Variants in DAB1 observed in about 807,000 individuals in gnomAD.
DAB1 encodes the protein disabled homolog 1.
A neutral mutation model predicts 64.6 loss-of-function variants in DAB1; 15 were observed. The observed-to-expected ratio is 0.23, with a 90% CI of 0.16 to 0.36. The LOEUF (loss-of-function observed/expected upper bound fraction) is 0.36, where lower values mean the gene tolerates loss of function less well. Among genes scored for constraint, DAB1 ranks in the 10% least tolerant of loss-of-function variants. The probability of loss-of-function intolerance (pLI) is 1.00; values close to 1 mark genes in which losing one functional copy is unlikely to be tolerated. For missense variants in DAB1, 596 were observed against 706.7 expected, an observed-to-expected ratio of 0.84 and a Z score of 1.78; for synonymous variants, 235 against 251.9, an observed-to-expected ratio of 0.93 and a Z score of 0.64.
At chr1:57,036,856 A>G (rs1466574073) in intron 9 of DAB1, among the ~76,000 whole-genome samples, 1 of 152,250 alleles carries the variant, frequency 6.6e-6, no homozygotes, top group Non-Finnish European at 1.5e-5. Flanking sequence ...TTTTCAAAAC[A>G]GTGGGGACAC....
intron 3 of DAB1, among the ~76,000 whole-genome samples, chr1:58,407,516 C>G (rs1644627701): frequency 1.3e-5 from 2 of 152,160 alleles, no homozygotes; most frequent in African/African-American, 4.8e-5. Flanking sequence ...TTTCGGGTGT[C>G]ACACCTGGAA....
chr1:58,218,794 C>T (rs959554665), intron 4 of DAB1, among the ~76,000 whole-genome samples: 3 of 152,182 alleles, frequency 2.0e-5, no homozygotes, highest in Non-Finnish European at 2.9e-5. Context: ...TGGCATTTTA[C>T]TCACAGAGAG....
intron 5 of DAB1, among the ~76,000 whole-genome samples, chr1:57,994,757 CATA>C (rs1646399963): frequency 1.3e-5 from 2 of 152,154 alleles, no homozygotes; most frequent in South Asian, 4.1e-4. Flanking sequence ...AATAGATGAG[CATA>C]CACCTGGAGA....
At chr1:57,983,099 A>G (rs2764669) in intron 5 of DAB1, among the ~76,000 whole-genome samples, 129,334 of 152,070 alleles carry the variant, frequency 0.85, 55,766 homozygotes, top group South Asian at 0.94. Context: ...ACTCAATTAG[A>G]TCATTGGTCA....
At chr1:58,087,677 G>C (rs560709451) in intron 5 of DAB1, among the ~76,000 whole-genome samples, 2 of 152,142 alleles carry the variant, frequency 1.3e-5, no homozygotes, top group Non-Finnish European at 2.9e-5. Flanking sequence ...TAGGAAGTTT[G>C]CTCTCTTAGG....
At chr1:58,203,338 G>A (rs1437536493) in intron 4 of DAB1, among the ~76,000 whole-genome samples, 1 of 152,100 alleles carries the variant, frequency 6.6e-6, no homozygotes, top group Non-Finnish European at 1.5e-5. Flanking sequence ...GTCATCTCAG[G>A]ATGGGTTTGC....
chr1:57,482,929 T>A (rs995743494), intron 7 of DAB1, among the ~76,000 whole-genome samples: 1 of 152,232 alleles, frequency 6.6e-6, no homozygotes, highest in Non-Finnish European at 1.5e-5. Flanking sequence ...GAGCCTACCA[T>A]ACTTGTGTAA....
At chr1:57,093,286 G>T (rs1458976177) in intron 4 of DAB1, among the ~76,000 whole-genome samples, 1 of 152,138 alleles carries the variant, frequency 6.6e-6, no homozygotes, top group East Asian at 1.9e-4. Context: ...AGGTCCCCTG[G>T]TCAGAGAGTG....
At chr1:57,085,351 G>A (rs935141959) in intron 4 of DAB1, among the ~76,000 whole-genome samples, 4 of 152,166 alleles carry the variant, frequency 2.6e-5, no homozygotes, top group African/African-American at 9.7e-5. Context: ...CAGACTTAGA[G>A]ACAACTGCGC....
intron 2 of DAB1, among the ~76,000 whole-genome samples, chr1:57,183,846 A>G (rs957948055): frequency 2.6e-5 from 4 of 152,220 alleles, no homozygotes; most frequent in Admixed American, 1.3e-4. Flanking sequence ...GAAAAGATCA[A>G]CTAAGGGCTG....
At chr1:57,215,045 G>T (rs924497749) in intron 2 of DAB1, among the ~76,000 whole-genome samples, 1 of 151,844 alleles carries the variant, frequency 6.6e-6, no homozygotes, top group African/African-American at 2.4e-5. Context: ...GGGAGACAAT[G>T]AACTAAATAA....
Position 57,198,649 on chromosome 1 carries a change from T to TCTCTCTCTCTCACA in DAB1, c.68-53221_68-53220insTGTGAGAGAGAGAG, listed in dbSNP as rs1477522407. On this transcript the variant is annotated intron_variant, in intron 2 of 14. Transcript: ENST00000371236. The stretch of plus-strand genomic sequence containing the variant: ...CCTCCCTCCCTGCATCTTCTCTCTC[T>TCTCTCTCTCTCACA]CACACACACACACACACACACACAC... 6.0e-3 allele frequency among the ~76,000 whole-genome samples: 765 copies of TCTCTCTCTCTCACA among 128,288 alleles called. 13 individuals carry two copies. Among genetic ancestry groups the TCTCTCTCTCTCACA allele is most frequent in the East Asian group, 0.054 (243 of 4,466 alleles). The allele number at this position is 128,288 out of a possible 152,430, so 84.2% of individuals were successfully genotyped here.
chr1:57,526,327 C>A (rs1012107681), intron 7 of DAB1, among the ~76,000 whole-genome samples: 1 of 152,072 alleles, frequency 6.6e-6, no homozygotes, highest in Non-Finnish European at 1.5e-5. Flanking sequence ...TTGGAAAAGC[C>A]GTCTAGGAAA....
intron 2 of DAB1, among the ~76,000 whole-genome samples, chr1:58,510,247 C>G (rs1470095487): frequency 6.6e-6 from 1 of 151,942 alleles, no homozygotes; most frequent in African/African-American, 2.4e-5. Context: ...TACTAGCAAG[C>G]CAAATTCAAG....
intron 6 of DAB1, among the ~76,000 whole-genome samples, chr1:57,715,692 G>C: frequency 6.6e-6 from 1 of 151,822 alleles, no homozygotes; most frequent in Middle Eastern, 3.4e-3. Context: ...ATTTATAATA[G>C]TTACCAAAAA....
At chr1:58,219,025 C>CTCTCTCTCTCTCTGTGTGTG (rs376130413) in intron 4 of DAB1, among the ~76,000 whole-genome samples, 2 of 129,550 alleles carry the variant, frequency 1.5e-5, no homozygotes, top group Admixed American at 7.6e-5. Flanking sequence ...CTCTCTCTCT[C>CTCTCTCTCTCTCTGTGTGTG]TGTGTGTGTG....
intron 7 of DAB1, among the ~76,000 whole-genome samples, chr1:57,612,395 G>A (rs566200543): frequency 4.3e-4 from 65 of 152,088 alleles, no homozygotes; most frequent in East Asian, 2.5e-3. Context: ...TCTTGGGATG[G>A]GGAGACTATT....
At chr1:57,992,592 A>T (rs1646361731) in intron 5 of DAB1, among the ~76,000 whole-genome samples, 1 of 152,128 alleles carries the variant, frequency 6.6e-6, no homozygotes, top group Admixed American at 6.6e-5. Flanking sequence ...CTTCTCTCAT[A>T]AAGAGGACAC....
At chr1:57,072,150 T>C (rs1651539219) in intron 5 of DAB1, 133 bp downstream of exon 5, 10 of 958,070 alleles carry the variant, frequency 1.0e-5, no homozygotes, top group South Asian at 8.2e-5. Flanking sequence ...TAGATGGGAA[T>C]GTGAGCATCA....
Sources: allele counts gnomAD v4.1 joint callset (sites outside exome capture counted in the v4.1 genomes callset), GRCh38; gene constraint gnomAD v4.1.1; transcripts MANE v1.5; gene names NCBI Gene and HGNC (gene_info 2026-07-23, HGNC 2026-07-21).